The following NUP58 variants were observed in gnomAD, a reference collection of about 807,000 sequenced individuals.
NUP58 encodes nucleoporin 58, also known as nucleoporin p58/p45.
Under a neutral mutation model 70.1 loss-of-function variants are expected in NUP58, and 17 were observed. That is an observed-to-expected ratio of 0.24 (90% CI 0.17 to 0.36). The LOEUF (loss-of-function observed/expected upper bound fraction) is 0.36, where lower values mean the gene tolerates loss of function less well. Ranked by LOEUF, NUP58 falls within the 10% of genes least tolerant of loss-of-function variation. NUP58 has a pLI of 1.00. For synonymous variants in NUP58, 275 were observed against 257.6 expected, an observed-to-expected ratio of 1.07 and a Z score of -0.65; for missense variants, 644 against 701.5, an observed-to-expected ratio of 0.92 and a Z score of 0.93.
intron 6 of NUP58, chr13:25,317,866 T>A (rs1193378362): frequency 1.3e-5 from 2 of 148,468 alleles, no homozygotes; most frequent in Non-Finnish European, 3.0e-5. Context: ...TGATTTTTTT[T>A]TTTTTTTTTT....
rs1378847333 is a variant in NUP58 at position 25,320,530 on chromosome 13, G to T, written c.711G>T (p.Glu237Asp). The T allele has an allele frequency of 1.2e-6, 2 of 1,605,674 alleles. No homozygotes were observed. The highest frequency in any genetic ancestry group is 4.5e-5 in the East Asian group (2 of 44,602). The change falls in exon 8 of 16, where the codon GAG becomes GAT. Residue 237 changes from glutamate (E) to aspartate (D), a missense_variant and splice_region_variant. Glu to Asp is a conservative substitution (Grantham distance 45). This residue lies in a region of NUP58 where 430 missense variants were observed against 409.2 expected (regional missense o/e 1.05). Transcript: ENST00000381736. ...AATACATGTTTTGCATTTTTCTTAG[G>T]GATAGTAAAGCTCTGAAGGATGAAA... ...KKSDKTGTRP[E>D]DSKALKDENL...
intron 1 of NUP58, among the ~76,000 whole-genome samples, chr13:25,302,416 T>G (rs986498712): frequency 1.3e-5 from 2 of 152,236 alleles, no homozygotes; most frequent in African/African-American, 4.8e-5. Context: ...AACACTTTTT[T>G]ACAGTGTTTA....
intron 13 of NUP58, chr13:25,331,902 A>G (rs2031620831): frequency 1.9e-6 from 2 of 1,080,108 alleles, no homozygotes; most frequent in Non-Finnish European, 2.3e-6. Flanking sequence ...TTATTGTTTT[A>G]AAGTCAGAGA....
chr13:25,324,941 A>T (rs374408763), intron 9 of NUP58, 48 bp from the exon 10 acceptor site: 63 of 1,257,498 alleles, frequency 5.0e-5, no homozygotes, highest in Non-Finnish European at 7.1e-5. Flanking sequence ...TTTTAACATA[A>T]CTCTTAACTG....
chr13:25,316,290 G>A (rs1439301639), intron 6 of NUP58, among the ~76,000 whole-genome samples: 1 of 151,934 alleles, frequency 6.6e-6, no homozygotes, highest in Admixed American at 6.6e-5. Flanking sequence ...ATTGTTTTTT[G>A]TGTTACTTTG....
chr13:25,337,065 A>C, intron 14 of NUP58, 31 bp downstream of exon 14: 1 of 1,457,410 alleles, frequency 6.9e-7, no homozygotes, highest in East Asian at 2.3e-5. Flanking sequence ...TATTTCATTG[A>C]ACTATTATAT....
chr13:25,336,394 A>G, intron 13 of NUP58: 2 of 704,854 alleles, frequency 2.8e-6, no homozygotes, highest in South Asian at 3.5e-5. Flanking sequence ...TATATTTCAT[A>G]TGAGAAATCA....
At chr13:25,313,922 T>TTTTATTTA (rs1256019715) in intron 5 of NUP58, among the ~76,000 whole-genome samples, 171 bp downstream of exon 5, 1 of 152,110 alleles carries the variant, frequency 6.6e-6, no homozygotes, top group Non-Finnish European at 1.5e-5. Flanking sequence ...ATTAACCGTA[T>TTTTATTTA]TTTATTTATT....
At chr13:25,322,938 T>C (rs1250231053) in intron 9 of NUP58, among the ~76,000 whole-genome samples, 1 of 152,152 alleles carries the variant, frequency 6.6e-6, no homozygotes, top group Non-Finnish European at 1.5e-5. Flanking sequence ...ATATAAGTTA[T>C]TTAGAAAACA....
chr13:25,338,326 C>T (rs561641882), intron 14 of NUP58, among the ~76,000 whole-genome samples: 3 of 152,244 alleles, frequency 2.0e-5, no homozygotes, highest in African/African-American at 4.8e-5. Context: ...TGACTAAAAT[C>T]ATACTTGAAT....
chr13:25,307,211 ATTTTTTT>A (rs72132780), intron 1 of NUP58, among the ~76,000 whole-genome samples: 1 of 98,606 alleles, frequency 1.0e-5, no homozygotes, highest in African/African-American at 3.8e-5. Context: ...CTGGTATTGT[ATTTTTTT>A]TTTTTTTTTT....
downstream of NUP58, among the ~76,000 whole-genome samples, chr13:25,343,462 ATTCC>A (rs1189997169): frequency 6.9e-6 from 1 of 145,794 alleles, no homozygotes; most frequent in Non-Finnish European, 1.5e-5. Flanking sequence ...CCATTAATTC[ATTCC>A]TTTTTTTTTT....
downstream of NUP58, among the ~76,000 whole-genome samples, chr13:25,343,805 G>GTGTATATATATATATATATATA (rs770283276): frequency 7.3e-6 from 1 of 137,664 alleles, no homozygotes; most frequent in South Asian, 2.3e-4. Context: ...ACATATATAT[G>GTGTATATATATATATATATATA]TATATATATA....
rs1386612767 is a variant in NUP58, at chr13:25,305,148, T to G, written c.108-2658T>G. On this transcript the variant is annotated intron_variant, in intron 1 of 15. Coordinates refer to ENST00000381736, the MANE Select transcript of NUP58 (RefSeq NM_014089.4). ...CTGTGGGGTTTTTTTTTTTTTTTTT[T>G]TTTTTTTTTTTTTGAGACAGGGCCT... 8.7e-3 allele frequency among the ~76,000 whole-genome samples: 1,067 copies of G among 122,218 alleles called. 46 individuals are homozygous for G. The highest frequency in any genetic ancestry group is 0.02 in the African/African-American group (677 of 33,334). The allele number at this position is 122,218 out of a possible 152,430, so 80.2% of individuals were successfully genotyped here.
chr13:25,342,552 A>G (rs1335415619), downstream of NUP58: 4 of 152,548 alleles, frequency 2.6e-5, no homozygotes, highest in African/African-American at 9.6e-5. Context: ...TGAACATAAG[A>G]TAGTAAATTA....
chr13:25,306,551 C>T (rs566356194), intron 1 of NUP58, among the ~76,000 whole-genome samples: 4 of 152,146 alleles, frequency 2.6e-5, no homozygotes, highest in Admixed American at 2.6e-4. Context: ...GCTGCCAGGG[C>T]TTTTGAGACT....
Position 25,313,004 on chromosome 13 carries a change from T to C in NUP58, c.408T>C (p.Leu136=), listed in dbSNP as rs2030750584. ...ITSTSASGLT[L]SSALTSTPAA... is the part of the protein sequence containing the mutation. Reference sequence around the variant, plus strand: ...CTACCTCAGCTAGCGGTCTGACTCTTTCGTCTGCTCTGACATCAACTCCAG... The same window carrying C: ...CTACCTCAGCTAGCGGTCTGACTCTCTCGTCTGCTCTGACATCAACTCCAG... Residue 136 remains leucine, a synonymous_variant, in exon 4 of 16, where the codon CTT becomes CTC. Coordinates refer to ENST00000381736, the MANE Select transcript of NUP58 (RefSeq NM_014089.4). 6 of 1,613,966 alleles carry C rather than the reference T, an allele frequency of 3.7e-6. No homozygotes were observed. The highest frequency in any genetic ancestry group is 5.1e-6 in the Non-Finnish European group (6 of 1,180,008).
At chr13:25,336,846 A>G (rs1247693063) in intron 13 of NUP58, 90 bp from the exon 14 acceptor site, 1 of 824,958 alleles carries the variant, frequency 1.2e-6, no homozygotes, top group Non-Finnish European at 1.8e-6. Flanking sequence ...TGTTCATTTT[A>G]AAAATAATTT....
Position 25,327,183 on chromosome 13 carries a change from A to G in NUP58, c.1150+149A>G, listed in dbSNP as rs902898612. On this transcript the variant is annotated intron_variant, in intron 11 of 15. Coordinates refer to ENST00000381736, the MANE Select transcript of NUP58 (RefSeq NM_014089.4). ...TACTACTCCTTTATTCCCTATAAAT[A>G]TAATATGCTTTATTATATGAATTGT... 20 of 568,040 alleles carry G rather than the reference A, an allele frequency of 3.5e-5. No individual in the cohort carries two copies. In the South Asian group the frequency reaches 4.7e-4, roughly 13 times the overall value. 35.2% of individuals were successfully genotyped at this position (568,040 alleles called of 1,614,324 possible).
Sources: allele counts gnomAD v4.1 joint callset (sites outside exome capture counted in the v4.1 genomes callset), GRCh38; gene constraint gnomAD v4.1.1; regional missense constraint gnomAD v4.1.1; transcripts MANE v1.5; gene names NCBI Gene and HGNC (gene_info 2026-07-23, HGNC 2026-07-21).